The following ZC3H8 variants were observed in gnomAD, a reference collection of about 807,000 sequenced individuals.
ZC3H8 encodes zinc finger CCCH domain-containing protein 8.
A neutral mutation model predicts 42.5 loss-of-function variants in ZC3H8; 27 were observed. The observed-to-expected ratio is 0.64, with a 90% CI of 0.47 to 0.88. The LOEUF (loss-of-function observed/expected upper bound fraction) is 0.88. ZC3H8 is among the 40% of genes least tolerant of loss of function. The pLI is 0.00. For synonymous variants in ZC3H8, 101 were observed against 110.1 expected (o/e 0.92, Z 0.52); for missense variants, 277 against 336.1 (o/e 0.82, Z 1.37).
intron 2 of ZC3H8, among the ~76,000 whole-genome samples, chr2:112,244,289 A>G (rs1685684913): frequency 6.6e-6 from 1 of 152,178 alleles, no homozygotes; most frequent in Admixed American, 6.5e-5. Flanking sequence ...ATTTCAGCCA[A>G]ACTATCAACA....
chr2:112,234,853 C>T (rs1191889800), intron 4 of ZC3H8, among the ~76,000 whole-genome samples: 5 of 151,658 alleles, frequency 3.3e-5, no homozygotes, highest in African/African-American at 1.2e-4. Flanking sequence ...GATTAAAAAC[C>T]GAAGTCTAAG....
rs1291614301 is a variant in ZC3H8, at chr2:112,214,591, A to G, written c.*1893T>C. ...GGAAGCCCGGCTTGGTATGGCTACA[A>G]TGGCTAGGTGATAGAGTACTTTGGA... On this transcript the variant is annotated 3_prime_UTR_variant, in exon 9 of 9. Transcript: ENST00000409573. 6.6e-6 allele frequency: 1 copy of G among 152,188 alleles called. No homozygotes were observed. Among genetic ancestry groups the G allele is most frequent in the East Asian group, 1.9e-4 (1 of 5,198 alleles). 9.4% of individuals were successfully genotyped at this position (152,188 alleles called of 1,614,324 possible).
rs1553483034 is a variant in ZC3H8, at chr2:112,212,988, T to TTTTTTTTTTTTTC, written c.*3495_*3496insGAAAAAAAAAAAA. 1 of 115,644 alleles carries TTTTTTTTTTTTTC rather than the reference T, an allele frequency of 8.6e-6. No homozygotes were observed. The highest frequency in any genetic ancestry group is 2.6e-4 in the South Asian group (1 of 3,874). 7.2% of individuals were successfully genotyped at this position (115,644 alleles called of 1,614,324 possible). ...TGCTTTTTTTTTTTTTTTTTTTTTTTATAAGAGACAAGGCTCTGTTGCCCA... is the reference window on the plus strand; with the variant it reads ...TGCTTTTTTTTTTTTTTTTTTTTTTTTTTTTTTTTTTTCATAAGAGACAAGGCTCTGTTGCCCA... On this transcript the variant is annotated 3_prime_UTR_variant, in exon 9 of 9. Coordinates refer to ENST00000409573, the MANE Select transcript of ZC3H8 (RefSeq NM_032494.3).
At chr2:112,249,296 A>G (rs1685863410) in intron 2 of ZC3H8, among the ~76,000 whole-genome samples, 1 of 152,198 alleles carries the variant, frequency 6.6e-6, no homozygotes, top group African/African-American at 2.4e-5. Flanking sequence ...AGCCATCACC[A>G]AAGATTGCCA....
chr2:112,243,709 A>G (rs1456581943), intron 2 of ZC3H8, among the ~76,000 whole-genome samples: 1 of 152,112 alleles, frequency 6.6e-6, no homozygotes, highest in Non-Finnish European at 1.5e-5. Context: ...TACGTACATA[A>G]CATCCTCAAT....
intron 8 of ZC3H8, among the ~76,000 whole-genome samples, chr2:112,224,825 A>C (rs1332757640): frequency 6.6e-6 from 1 of 152,240 alleles, no homozygotes; most frequent in Non-Finnish European, 1.5e-5. Context: ...GAGAAGGAGA[A>C]GAATGAATTG....
chr2:112,254,549 G>T (rs1434225542), intron 1 of ZC3H8, among the ~76,000 whole-genome samples: 3 of 152,234 alleles, frequency 2.0e-5, no homozygotes, highest in Non-Finnish European at 4.4e-5. Flanking sequence ...GTGGAAACAG[G>T]CAACAACGGT....
chr2:112,240,952 A>AGTGTGTGTGTGTGTGT (rs67273091), intron 2 of ZC3H8, among the ~76,000 whole-genome samples: 5 of 142,714 alleles, frequency 3.5e-5, no homozygotes, highest in Non-Finnish European at 4.6e-5. Context: ...TACAGGTAAC[A>AGTGTGTGTGTGTGTGT]GTGTGTGTGT....
chr2:112,252,205 C>A (rs569217019), intron 1 of ZC3H8, among the ~76,000 whole-genome samples: 1 of 152,312 alleles, frequency 6.6e-6, no homozygotes, highest in Non-Finnish European at 1.5e-5. Flanking sequence ...TGAACATCTA[C>A]TAGACATATG....
intron 8 of ZC3H8, among the ~76,000 whole-genome samples, chr2:112,217,447 T>G (rs941609355): frequency 2.0e-5 from 3 of 152,228 alleles, no homozygotes; most frequent in Non-Finnish European, 4.4e-5. Context: ...CAGTATAAAA[T>G]GTGAAACCAC....
chr2:112,228,860 G>A (rs527283412), intron 8 of ZC3H8, among the ~76,000 whole-genome samples: 82 of 151,262 alleles, frequency 5.4e-4, no homozygotes, highest in Non-Finnish European at 1.1e-3. Context: ...TCCAACATAC[G>A]TAAAGAACTC....
Position 112,223,252 on chromosome 2 carries a change from T to TATA in ZC3H8, c.*16-6787_*16-6785dup, listed in dbSNP as rs377580440. The stretch of plus-strand genomic sequence containing the variant: ...TGCACATGTACCCTAGAACTTAAAG[T>TATA]ATAATTTAAAAAAAGAAAAAAAAAG... On this transcript the variant is annotated intron_variant, in intron 8 of 8. Coordinates refer to ENST00000409573, the MANE Select transcript of ZC3H8 (RefSeq NM_032494.3). Among the ~76,000 whole-genome samples the TATA allele has an allele frequency of 1.4e-3, 215 of 151,808 alleles. 2 individuals carry two copies. The highest frequency in any genetic ancestry group is 5.1e-3 in the African/African-American group (210 of 41,342).
intron 2 of ZC3H8, among the ~76,000 whole-genome samples, chr2:112,241,513 G>A (rs2104663915): frequency 6.6e-6 from 1 of 152,328 alleles, no homozygotes; most frequent in Middle Eastern, 3.4e-3. Context: ...CAGTGAACTT[G>A]AATGAGAAGA....
At chr2:112,238,091 C>T (rs1004901105) in intron 3 of ZC3H8, among the ~76,000 whole-genome samples, 5 of 152,148 alleles carry the variant, frequency 3.3e-5, no homozygotes, top group Admixed American at 6.5e-5. Context: ...TGATAACCCA[C>T]CTCCATCCTC....
At chr2:112,233,800 C>T (rs1300110845) in intron 5 of ZC3H8, among the ~76,000 whole-genome samples, 1 of 151,924 alleles carries the variant, frequency 6.6e-6, no homozygotes, top group African/African-American at 2.4e-5. Context: ...ACCCAGGAGG[C>T]GGAGCTTGCA....
chr2:112,223,897 C>CTT (rs1684702446), intron 8 of ZC3H8, among the ~76,000 whole-genome samples: 1 of 152,196 alleles, frequency 6.6e-6, no homozygotes, highest in African/African-American at 2.4e-5. Context: ...AATCCCAGCA[C>CTT]TTTGGGAGGC....
chr2:112,236,330 G>A (rs1260317517), intron 4 of ZC3H8, among the ~76,000 whole-genome samples: 1 of 152,136 alleles, frequency 6.6e-6, no homozygotes, highest in African/African-American at 2.4e-5. Flanking sequence ...CAGTGAGAAC[G>A]CTAAGGCTTA....
intron 2 of ZC3H8, among the ~76,000 whole-genome samples, chr2:112,239,637 T>A (rs896934285): frequency 1.4e-5 from 2 of 140,640 alleles, no homozygotes; most frequent in Non-Finnish European, 1.5e-5. Context: ...CAGGCTGGAG[T>A]GCAGTGGCAC....
At chr2:112,249,563 C>A (rs1685875089) in intron 2 of ZC3H8, among the ~76,000 whole-genome samples, 2 of 152,168 alleles carry the variant, frequency 1.3e-5, no homozygotes, top group South Asian at 4.1e-4. Context: ...TCTGCCTCAG[C>A]CTCCCTAGTA....
Sources: allele counts gnomAD v4.1 joint callset (sites outside exome capture counted in the v4.1 genomes callset), GRCh38; gene constraint gnomAD v4.1.1; transcripts MANE v1.5; gene names NCBI Gene and HGNC (gene_info 2026-07-23, HGNC 2026-07-21).